CREBRF: variants seen among roughly 807,000 people sequenced by gnomAD.
The protein encoded by CREBRF is CREB3 regulatory factor.
In CREBRF, 5 loss-of-function variants were observed where a neutral mutation model predicts 66.1. The ratio of observed to expected loss-of-function variants is 0.08; its 90% CI spans 0.04 to 0.16. The LOEUF (loss-of-function observed/expected upper bound fraction) is 0.16, where lower values mean the gene tolerates loss of function less well. CREBRF is among the 10% of genes least tolerant of loss of function. The probability of loss-of-function intolerance (pLI) is 1.00; values close to 1 mark genes in which losing one functional copy is unlikely to be tolerated. For synonymous variants in CREBRF, 229 were observed against 264.4 expected (o/e 0.87, Z 1.30); for missense variants, 531 against 744.9 (o/e 0.71, Z 3.34).
In CREBRF at chr5:173,082,012, T is replaced by G. The variant is rs900250085; in HGVS notation, c.9+1228T>G. 2.5e-4 allele frequency among the ~76,000 whole-genome samples: 31 copies of G among 122,150 alleles called. No homozygotes were observed. The South Asian group carries it at 2.5e-3, about 10-fold the overall frequency. 80.1% of individuals were successfully genotyped at this position (122,150 alleles called of 152,430 possible). A position where few individuals can be genotyped will look rare whatever the true frequency, so the allele number is the denominator to read the frequency against. On this transcript the variant is annotated intron_variant, in intron 2 of 8. Transcript: ENST00000296953. ...GCCCATTCAAGGTTTAGTTTTTTTT[T>G]TTTTTTTTTTTTTTTTTTTGAGCTG...
chr5:173,085,767 ACCTGATGG>A, intron 2 of CREBRF: 2 of 774,512 alleles, frequency 2.6e-6, no homozygotes, highest in East Asian at 4.9e-5. Flanking sequence ...CACTCCACAT[ACCTGATGG>A]CCTTCAGGTC....
intron 4 of CREBRF, among the ~76,000 whole-genome samples, chr5:173,097,432 A>T (rs1339602721): frequency 6.6e-6 from 1 of 152,036 alleles, no homozygotes; most frequent in Admixed American, 6.5e-5. Flanking sequence ...TTTAGTAGAG[A>T]TGAAGTTTCG....
intron 4 of CREBRF, among the ~76,000 whole-genome samples, chr5:173,105,611 G>A (rs1318240799): frequency 7.9e-5 from 12 of 152,138 alleles, no homozygotes; most frequent in Non-Finnish European, 1.6e-4. Context: ...GGGATTACAG[G>A]TGGGCGCCAC....
chr5:173,081,560 G>A (rs1016327645), intron 2 of CREBRF, among the ~76,000 whole-genome samples: 4 of 152,106 alleles, frequency 2.6e-5, no homozygotes, highest in African/African-American at 4.8e-5. Flanking sequence ...ACAATTTGCT[G>A]GGATTGTCTG....
rs1019946468 is a variant in CREBRF, at chr5:173,136,726, A to T, written c.*2981A>T. 2 of 152,490 alleles carry T rather than the reference A, an allele frequency of 1.3e-5. No individual in the cohort carries two copies. Among genetic ancestry groups the T allele is most frequent in the African/African-American group, 4.8e-5 (2 of 41,442 alleles). The allele number at this position is 152,490 out of a possible 1,614,324, so 9.4% of individuals were successfully genotyped here. A position where few individuals can be genotyped will look rare whatever the true frequency, so the allele number is the denominator to read the frequency against. The stretch of plus-strand genomic sequence containing the variant: ...CAAACCAATCTTATAAGGGTAATGT[A>T]AAAACCCCAACAATTGTACATGTTC... On this transcript the variant is annotated 3_prime_UTR_variant, in exon 9 of 9. Transcript: ENST00000296953.
At chr5:173,114,989 C>G (rs1269459236) in intron 7 of CREBRF, among the ~76,000 whole-genome samples, 1 of 152,166 alleles carries the variant, frequency 6.6e-6, no homozygotes, top group Admixed American at 6.5e-5. Flanking sequence ...GCATGAGAGC[C>G]CTTTCCCTTT....
intron 2 of CREBRF, 142 bp from the exon 3 acceptor site, chr5:173,086,359 A>G: frequency 1.3e-6 from 1 of 742,274 alleles, no homozygotes; most frequent in East Asian, 2.6e-5. Flanking sequence ...GCTCTTAAAT[A>G]TACTATACAG....
intron 1 of CREBRF, among the ~76,000 whole-genome samples, chr5:173,071,280 C>T (rs1399016096): frequency 1.2e-4 from 19 of 152,228 alleles, no homozygotes; most frequent in African/African-American, 3.4e-4. Flanking sequence ...GCCATGATCT[C>T]GCATCACTGC....
intron 4 of CREBRF, among the ~76,000 whole-genome samples, chr5:173,098,241 G>T (rs1758527432): frequency 6.7e-6 from 1 of 149,078 alleles, no homozygotes. Context: ...AGGCTGGAGC[G>T]CAGTGGCGCA....
At chr5:173,115,630 A>G (rs1758970177) in intron 7 of CREBRF, among the ~76,000 whole-genome samples, 1 of 151,550 alleles carries the variant, frequency 6.6e-6, no homozygotes, top group South Asian at 2.1e-4. Context: ...TTGGCCCTGA[A>G]TGTAGTTTTG....
Sources: allele counts gnomAD v4.1 joint callset (sites outside exome capture counted in the v4.1 genomes callset), GRCh38; gene constraint gnomAD v4.1.1; transcripts MANE v1.5; gene names NCBI Gene and HGNC (gene_info 2026-07-23, HGNC 2026-07-21).